GUCY2D: variants seen among roughly 807,000 people sequenced by gnomAD.
The protein encoded by GUCY2D is guanylate cyclase 2D, retinal.
Under a neutral mutation model 101.3 loss-of-function variants are expected in GUCY2D, and 70 were observed. The ratio of observed to expected loss-of-function variants is 0.69; its 90% CI spans 0.57 to 0.84. The LOEUF is 0.84. Ranked by LOEUF, GUCY2D falls within the 40% of genes least tolerant of loss-of-function variation. The pLI, the probability that GUCY2D is intolerant of heterozygous loss-of-function variation, is 0.00. For missense variants in GUCY2D, 1,460 were observed against 1,542.5 expected, an observed-to-expected ratio of 0.95 and a Z score of 0.90; for synonymous variants, 688 against 670.7, an observed-to-expected ratio of 1.03 and a Z score of -0.40.
At chr17:8,010,364 T>C (rs1046877034) in intron 8 of GUCY2D, among the ~76,000 whole-genome samples, 19 of 152,216 alleles carry the variant, frequency 1.2e-4, no homozygotes, top group African/African-American at 4.6e-4. Context: ...ACAACCTTAA[T>C]GTCTCCCTTT....
In GUCY2D at chr17:8,013,781, A is replaced by T; in HGVS notation, c.2264-99A>T. The T allele has an allele frequency of 1.1e-6, 1 of 939,612 alleles. No individual in the cohort carries two copies. The highest frequency in any genetic ancestry group is 2.4e-5 in the East Asian group (1 of 41,674). 58.2% of individuals were successfully genotyped at this position (939,612 alleles called of 1,614,324 possible). A position where few individuals can be genotyped will look rare whatever the true frequency, so the allele number is the denominator to read the frequency against. On this transcript the variant is annotated intron_variant, in intron 11 of 19. Coordinates refer to ENST00000254854, the MANE Select transcript of GUCY2D (RefSeq NM_000180.4). This position sits in a 1 kb window ranked among gnomAD's most constrained non-coding sequence, Gnocchi z 5.0. ...TGATGTAAAGAAACCCCTGCCAGGC[A>T]CCCCCTCCCACATCTTGGTCTTCAA...
Position 8,003,873 on chromosome 17 carries a change from C to T in GUCY2D, c.743C>T (p.Ser248Leu), listed in dbSNP as rs138922415. Residue 248 changes from serine to leucine, a missense_variant, in exon 3 of 20, where the codon TCG (serine) becomes TTG (leucine). This residue lies in a region of GUCY2D where 1,196 missense variants were observed against 1,229.6 expected (regional missense o/e 0.97). Transcript: ENST00000254854. ...GCAGCAGTGATCATGGTGATGCACT[C>T]GGTGCTGCTGGGTGGCGAGGAGCAG... ...RVTAVIMVMH[S>L]VLLGGEEQRY... 3.7e-6 allele frequency: 6 copies of T among 1,612,726 alleles called. No homozygotes were observed. Among genetic ancestry groups the T allele is most frequent in the South Asian group, 2.2e-5 (2 of 91,054 alleles).
chr17:8,009,178 C>T (rs1337645873), intron 7 of GUCY2D, among the ~76,000 whole-genome samples: 2 of 152,202 alleles, frequency 1.3e-5, no homozygotes, highest in Non-Finnish European at 2.9e-5. Context: ...CATGTTCTCT[C>T]ATGGCAGTGG....
At chr17:8,017,983 C>T (rs901926669) in intron 19 of GUCY2D, among the ~76,000 whole-genome samples, 2 of 152,142 alleles carry the variant, frequency 1.3e-5, no homozygotes, top group East Asian at 3.9e-4. Flanking sequence ...TGTGAGACAC[C>T]GCGCCTGACC....
At chr17:8,006,230 T>A (rs1407753936) in intron 3 of GUCY2D, 133 bp from the exon 4 acceptor site, 19 of 728,982 alleles carry the variant, frequency 2.6e-5, no homozygotes, top group Non-Finnish European at 3.7e-5. Context: ...AGATAGCCAA[T>A]GGGGAGGGAT....
In GUCY2D at chr17:8,007,987, C is replaced by T. The variant is rs760501583; in HGVS notation, c.1623C>T (p.Ser541=). The T allele has an allele frequency of 8.7e-6, 14 of 1,613,440 alleles. No individual in the cohort carries two copies. Among genetic ancestry groups the T allele is most frequent in the South Asian group, 3.3e-5 (3 of 91,022 alleles). The change falls in exon 7 of 20, where the codon AGC becomes AGT. Residue 541 remains serine (S), a synonymous_variant. Transcript: ENST00000254854. The part of the protein sequence containing the change: ...LGARSMSDIR[S]GPSQHLDSPN... ...CCCGCAGCATGTCAGACATTCGCAG[C>T]GGCCCCAGCCAACACTTGGACAGCC...
intron 4 of GUCY2D, 105 bp downstream of exon 4, chr17:8,006,819 T>C: frequency 9.5e-7 from 1 of 1,049,588 alleles, no homozygotes; most frequent in South Asian, 1.3e-5. Flanking sequence ...TCGATGCCCT[T>C]CTAGGCCCTC....
rs1053137460 is a variant in GUCY2D at position 8,007,271 on chromosome 17, G to GT, written c.1463+128dup. ...TTTTTCTTGGGGTGAGGGTGTTCTG[G>GT]TGGGCTGGTAGAGTCCCAGGGGATG... is the stretch of plus-strand genomic sequence containing the variant. On this transcript the variant is annotated intron_variant, in intron 5 of 19. Transcript: ENST00000254854. The GT allele has an allele frequency of 1.8e-5, 17 of 926,070 alleles. No individual in the cohort carries two copies. In the African/African-American group the frequency reaches 2.1e-4, roughly 11 times the overall value. 57.4% of individuals were successfully genotyped at this position (926,070 alleles called of 1,614,324 possible).
intron 3 of GUCY2D, among the ~76,000 whole-genome samples, chr17:8,006,060 C>T (rs1196002602): frequency 1.3e-5 from 2 of 151,986 alleles, no homozygotes; most frequent in Non-Finnish European, 2.9e-5. Context: ...TAGAATCAAC[C>T]AATGGTCAGA....
At position 8,003,517 on chromosome 17, in the gene GUCY2D, C is replaced by T; in HGVS notation, c.470C>T (p.Ala157Val). The change falls in exon 2 of 20, where the codon GCG (alanine) becomes GTG (valine). Residue 157 changes from alanine (A) to valine (V), a missense_variant. Ala to Val is a moderately conservative substitution (Grantham distance 64, BLOSUM62 0). Around this residue, in one of 3 missense-constraint regions of GUCY2D, gnomAD observed 1,196 missense variants for 1,229.6 expected, o/e 0.97. Transcript: ENST00000254854. ...LVPWGCPWTQ[A>V]EGTTAPAVTP... ...CCCTGGGGCTGCCCCTGGACGCAGG[C>T]GGAGGGCACCACGGCCCCTGCCGTG... 6.5e-7 allele frequency: 1 copy of T among 1,536,002 alleles called. No individual in the cohort carries two copies. The highest frequency in any genetic ancestry group is 8.7e-7 in the Non-Finnish European group (1 of 1,147,962).
Position 8,003,384 on chromosome 17 carries a change from G to T in GUCY2D, c.337G>T (p.Ala113Ser). The change falls in exon 2 of 20, where the codon GCC becomes TCC. Residue 113 changes from alanine to serine, a missense_variant. Transcript: ENST00000254854. Reference sequence around the variant, plus strand: ...TTGCCGGACGCCGGGCTCGCTGGGGGCCGTGTCCTCCGCGCTGGCCCGCGT... The same window carrying T: ...TTGCCGGACGCCGGGCTCGCTGGGGTCCGTGTCCTCCGCGCTGGCCCGCGT... ...EPCRTPGSLG[A>S]VSSALARVSG... 2.0e-6 allele frequency: 3 copies of T among 1,474,314 alleles called. No individual in the cohort carries two copies. Among genetic ancestry groups the T allele is most frequent in the Non-Finnish European group, 2.7e-6 (3 of 1,119,982 alleles). 91.3% of individuals were successfully genotyped at this position (1,474,314 alleles called of 1,614,324 possible).
In GUCY2D at chr17:8,012,459, T is replaced by C; in HGVS notation, c.1966T>C (p.Tyr656His). 1.9e-6 allele frequency: 3 copies of C among 1,614,006 alleles called. No individual in the cohort carries two copies. Among genetic ancestry groups the C allele is most frequent in the Non-Finnish European group, 2.5e-6 (3 of 1,179,998 alleles). The change falls in exon 10 of 20, where the codon TAT becomes CAT. Residue 656 changes from tyrosine (Y) to histidine (H), a missense_variant. Tyr to His is a moderately conservative substitution (Grantham distance 83, BLOSUM62 2). Transcript: ENST00000254854. The part of the protein sequence containing the change: ...LLLDLIKGIR[Y>H]LHHRGVAHGR... The stretch of plus-strand genomic sequence containing the variant: ...CCCTACCCATTCCAAGGGAATAAGG[T>C]ATCTGCACCATCGAGGCGTGGCTCA...
rs1308218621 is a variant in GUCY2D, at chr17:8,002,704, G to A, written c.-40G>A. On this transcript the variant is annotated 5_prime_UTR_variant, in exon 1 of 20. Transcript: ENST00000254854. This position sits in a 1 kb window ranked among gnomAD's most constrained non-coding sequence, Gnocchi z 4.9. ...GACCGGCCCTGTGACCCCTCACCGG[G>A]GGCCGTGGGCCCGAGCCCCCGGACT... 32 of 170,958 alleles carry A rather than the reference G, an allele frequency of 1.9e-4. No individual in the cohort carries two copies. In the South Asian group the frequency reaches 3.0e-3, roughly 16 times the overall value. The allele number at this position is 170,958 out of a possible 1,614,324, so 10.6% of individuals were successfully genotyped here. A position where few individuals can be genotyped will look rare whatever the true frequency, so the allele number is the denominator to read the frequency against.
At chr17:8,019,308 C>G (rs1976031098) in intron 19 of GUCY2D, among the ~76,000 whole-genome samples, 1 of 152,164 alleles carries the variant, frequency 6.6e-6, no homozygotes, top group African/African-American at 2.4e-5. Flanking sequence ...GTGATTTCGG[C>G]TGCCTCAAGG....
At chr17:8,008,084 C>A (rs748677206) in intron 7 of GUCY2D, 52 bp downstream of exon 7, 1 of 1,159,780 alleles carries the variant, frequency 8.6e-7, no homozygotes, top group South Asian at 1.3e-5. Context: ...AATGCTCAGG[C>A]CCTGGGCAGA....
At position 8,009,488 on chromosome 17, in the gene GUCY2D, C is replaced by G. The variant is rs1413482493; in HGVS notation, c.1669-18C>G. 28 of 1,559,392 alleles carry G rather than the reference C, an allele frequency of 1.8e-5. No individual in the cohort carries two copies. Among genetic ancestry groups the G allele is most frequent in the Non-Finnish European group, 2.5e-5 (28 of 1,130,144 alleles). ...TTTTAAGAGACTGAGTTCCCTACCCCCATCCTCTTTGCTGCAGGGAGACAG... is the reference window on the plus strand; with the variant it reads ...TTTTAAGAGACTGAGTTCCCTACCCGCATCCTCTTTGCTGCAGGGAGACAG... On this transcript the variant is annotated intron_variant, in intron 7 of 19. Transcript: ENST00000254854.
At chr17:8,007,318 C>T (rs564922369) in intron 5 of GUCY2D, 108 bp from the exon 6 acceptor site, 1 of 923,936 alleles carries the variant, frequency 1.1e-6, no homozygotes, top group South Asian at 1.3e-5. Flanking sequence ...GATGGCTGCC[C>T]TCCAGGACCC....
chr17:8,019,074 A>G (rs1483125560), intron 19 of GUCY2D, among the ~76,000 whole-genome samples: 1 of 152,138 alleles, frequency 6.6e-6, no homozygotes, highest in Non-Finnish European at 1.5e-5. Flanking sequence ...ATGCACACAC[A>G]CACATTTTTA....
intron 3 of GUCY2D, among the ~76,000 whole-genome samples, chr17:8,004,810 G>T (rs1248506934): frequency 1.3e-5 from 2 of 152,166 alleles, no homozygotes; most frequent in Non-Finnish European, 2.9e-5. Context: ...CCACCACAAA[G>T]GTCCAACTCA....
Sources: allele counts gnomAD v4.1 joint callset (sites outside exome capture counted in the v4.1 genomes callset), GRCh38; gene constraint gnomAD v4.1.1; regional missense constraint gnomAD v4.1.1; non-coding constraint Gnocchi (gnomAD v3.1); transcripts MANE v1.5; gene names NCBI Gene and HGNC (gene_info 2026-07-23, HGNC 2026-07-21).